UNC13C: variants seen among roughly 807,000 people sequenced by gnomAD.
UNC13C encodes unc-13 homolog C.
UNC13C carries 174 observed loss-of-function variants against 245.4 expected under a neutral mutation model. The ratio of observed to expected loss-of-function variants is 0.71; its 90% CI spans 0.63 to 0.80. UNC13C has a LOEUF of 0.80. Among genes scored for constraint, UNC13C ranks in the 30% least tolerant of loss-of-function variants. The pLI is 0.00. For synonymous variants in UNC13C, 992 were observed against 895.1 expected, an observed-to-expected ratio of 1.11 and a Z score of -1.93; for missense variants, 2,829 against 2,602.9, an observed-to-expected ratio of 1.09 and a Z score of -1.89.
At chr15:54,536,605 A>C (rs7171278) in intron 26 of UNC13C, among the ~76,000 whole-genome samples, 151,795 of 152,178 alleles carry the variant, frequency 1, 75,714 homozygotes, top group Middle Eastern at 1. Context: ...AGATCAAACC[A>C]AGCAGCATAT....
At chr15:54,324,048 T>A (rs962701008) in intron 14 of UNC13C, among the ~76,000 whole-genome samples, 2 of 152,040 alleles carry the variant, frequency 1.3e-5, no homozygotes, top group Non-Finnish European at 2.9e-5. Flanking sequence ...TATAACAAAC[T>A]TCCTTTTGTA....
chr15:54,018,719 A>G (rs987621986), intron 2 of UNC13C, among the ~76,000 whole-genome samples: 1 of 152,168 alleles, frequency 6.6e-6, no homozygotes, highest in African/African-American at 2.4e-5. Flanking sequence ...TGTCTCCTCA[A>G]AATTCCCATG....
At chr15:54,206,380 C>A (rs2034708793) in intron 4 of UNC13C, among the ~76,000 whole-genome samples, 1 of 151,890 alleles carries the variant, frequency 6.6e-6, no homozygotes, top group Non-Finnish European at 1.5e-5. Flanking sequence ...AGATTTTTTC[C>A]CATTGGAATT....
chr15:53,881,315 G>T, the UNC13C span, among the ~76,000 whole-genome samples: 10 of 152,188 alleles, frequency 6.6e-5, no homozygotes, highest in African/African-American at 2.4e-4. Flanking sequence ...GCTGGAAATT[G>T]TGTCCAAGCA....
At chr15:53,889,735 C>T in the UNC13C span, among the ~76,000 whole-genome samples, 1 of 152,046 alleles carries the variant, frequency 6.6e-6, no homozygotes, top group African/African-American at 2.4e-5. Flanking sequence ...TCCATCAATA[C>T]CTAGTTTATT....
rs183094781 is a variant in UNC13C at position 54,083,909 on chromosome 15, G to T, written c.2984-59109G>T. On this transcript the variant is annotated intron_variant, in intron 2 of 32. Transcript: ENST00000260323. ...TATGGTACTCACCATCTCAGTTTGG[G>T]TCTGAGTGGGATGGGGGAACCTCTG... is the stretch of plus-strand genomic sequence containing the variant. Among the ~76,000 whole-genome samples, 92 of 152,306 alleles carry T rather than the reference G, an allele frequency of 6.0e-4. 3 individuals are homozygous for T. In the South Asian group the frequency reaches 8.7e-3, roughly 14 times the overall value.
chr15:54,475,463 C>T (rs1256673993), intron 19 of UNC13C, among the ~76,000 whole-genome samples: 2 of 151,720 alleles, frequency 1.3e-5, no homozygotes, highest in Non-Finnish European at 2.9e-5. Context: ...CCCTCTCCCC[C>T]CACCCCACAA....
At chr15:54,581,901 C>A (rs988158653) in intron 30 of UNC13C, among the ~76,000 whole-genome samples, 8 of 152,048 alleles carry the variant, frequency 5.3e-5, no homozygotes, top group Non-Finnish European at 7.4e-5. Context: ...GTCATCAGAA[C>A]TTGGAGAATT....
At chr15:54,552,643 T>TAC (rs1896847016) in intron 28 of UNC13C, among the ~76,000 whole-genome samples, 3 of 80,378 alleles carry the variant, frequency 3.7e-5, no homozygotes, top group Non-Finnish European at 6.0e-5. Context: ...CAATATAATA[T>TAC]AATTATATAA....
the UNC13C span, among the ~76,000 whole-genome samples, chr15:53,966,051 G>A: frequency 3.3e-5 from 5 of 152,082 alleles, no homozygotes; most frequent in Non-Finnish European, 4.4e-5. Context: ...AGGTTTCCCC[G>A]TGTCTCTCAT....
intron 23 of UNC13C, among the ~76,000 whole-genome samples, chr15:54,508,411 A>G (rs1216617332): frequency 6.6e-6 from 1 of 152,090 alleles, no homozygotes; most frequent in African/African-American, 2.4e-5. Context: ...AACATTCTAT[A>G]TTATATTTTA....
Position 54,442,303 on chromosome 15 carries a change from T to A in UNC13C, c.4933+27236T>A, listed in dbSNP as rs1269298933. 2.0e-5 allele frequency among the ~76,000 whole-genome samples: 3 copies of A among 146,402 alleles called. No individual in the cohort carries two copies. In the East Asian group the frequency reaches 6.2e-4, roughly 30 times the overall value. ...TCTCACTCTGTTGCCCAGGCTGGAG[T>A]GCACTGGCTCCCAGATTCAAGCGAT... On this transcript the variant is annotated intron_variant, in intron 19 of 32. Transcript: ENST00000260323.
intron 17 of UNC13C, among the ~76,000 whole-genome samples, chr15:54,342,406 T>G (rs912448230): frequency 1.3e-5 from 2 of 152,068 alleles, no homozygotes; most frequent in African/African-American, 4.8e-5. Context: ...CTCTACAATT[T>G]TTTTTTTAAT....
chr15:53,973,340 T>C (rs1423349884), upstream of UNC13C, among the ~76,000 whole-genome samples: 1 of 152,178 alleles, frequency 6.6e-6, no homozygotes, highest in Non-Finnish European at 1.5e-5. Flanking sequence ...ACATAATAAG[T>C]ATATACTATC....
chr15:54,567,537 C>T (rs1040322399), intron 29 of UNC13C, among the ~76,000 whole-genome samples: 1 of 152,124 alleles, frequency 6.6e-6, no homozygotes, highest in Non-Finnish European at 1.5e-5. Context: ...AGCATGATCT[C>T]ATTTGTTTAA....
At chr15:54,543,011 A>G (rs756220065) in intron 26 of UNC13C, among the ~76,000 whole-genome samples, 1 of 152,042 alleles carries the variant, frequency 6.6e-6, no homozygotes, top group Admixed American at 6.6e-5. Context: ...TAAGATTAAT[A>G]TTGTTATGTG....
At position 54,350,633 on chromosome 15, in the gene UNC13C, T is replaced by C. The variant is rs538292915; in HGVS notation, c.4713+12144T>C. 2.0e-5 allele frequency among the ~76,000 whole-genome samples: 3 copies of C among 152,330 alleles called. No homozygotes were observed. The East Asian group carries it at 5.8e-4, about 29-fold the overall frequency. ...ACTTTGTATAACTTTTCAATTGATA[T>C]GAATTTAGCATCTAACAAGTATAAA... On this transcript the variant is annotated intron_variant, in intron 17 of 32. Transcript: ENST00000260323.
Position 54,338,405 on chromosome 15 carries a change from G to A in UNC13C, c.4629G>A (p.Lys1543=). 2 of 1,613,472 alleles carry A rather than the reference G, an allele frequency of 1.2e-6. No individual in the cohort carries two copies. Among genetic ancestry groups the A allele is most frequent in the South Asian group, 2.2e-5 (2 of 91,030 alleles). ...CCCCAAAAGCGAGCATGGTGGTGAAGGACTGTGTAAGGGCTTGCCTGGATT... is the reference window on the plus strand; with the variant it reads ...CCCCAAAAGCGAGCATGGTGGTGAAAGACTGTGTAAGGGCTTGCCTGGATT... ...QSPPKASMVV[K]DCVRACLDST... Residue 1543 remains lysine (K), a synonymous_variant, in exon 17 of 33, where the codon AAG becomes AAA. Transcript: ENST00000260323.
chr15:54,621,265 C>A (rs1391475169), intron 30 of UNC13C, among the ~76,000 whole-genome samples: 1 of 152,008 alleles, frequency 6.6e-6, no homozygotes, highest in Non-Finnish European at 1.5e-5. Flanking sequence ...AATGAGATTG[C>A]AAAAGTTACA....
Sources: allele counts gnomAD v4.1 joint callset (sites outside exome capture counted in the v4.1 genomes callset), GRCh38; gene constraint gnomAD v4.1.1; transcripts MANE v1.5; gene names NCBI Gene and HGNC (gene_info 2026-07-23, HGNC 2026-07-21).